Variants in GRM8 observed in about 807,000 individuals in gnomAD.
GRM8 encodes the protein metabotropic glutamate receptor 8.
In GRM8, 47 loss-of-function variants were observed where a neutral mutation model predicts 87.2. The ratio of observed to expected loss-of-function variants is 0.54; its 90% confidence interval spans 0.43 to 0.69. The LOEUF (loss-of-function observed/expected upper bound fraction) is 0.69, where lower values mean the gene tolerates loss of function less well. GRM8 is among the 30% of genes least tolerant of loss of function. GRM8 has a pLI of 0.00. For missense variants in GRM8, 1,019 were observed against 1,139.2 expected (o/e 0.89, Z 1.52); for synonymous variants, 396 against 404.5 (o/e 0.98, Z 0.25).
At chr7:126,954,689 T>C (rs1251765095) in intron 3 of GRM8, among the ~76,000 whole-genome samples, 1 of 152,184 alleles carries the variant, frequency 6.6e-6, no homozygotes, top group Non-Finnish European at 1.5e-5. Context: ...TCAACTGAGA[T>C]AATAATAACA....
chr7:127,070,007 C>G (rs1184584183), intron 3 of GRM8, among the ~76,000 whole-genome samples: 1 of 152,194 alleles, frequency 6.6e-6, no homozygotes, highest in African/African-American at 2.4e-5. Context: ...AGGTCACTAT[C>G]AAATTTGAAA....
At chr7:127,059,543 G>A (rs1034377511) in intron 3 of GRM8, among the ~76,000 whole-genome samples, 2 of 151,944 alleles carry the variant, frequency 1.3e-5, no homozygotes, top group African/African-American at 4.8e-5. Flanking sequence ...CACCCTATTG[G>A]TCAGGCTGGT....
At chr7:126,457,871 C>A (rs1803433480) in intron 9 of GRM8, among the ~76,000 whole-genome samples, 2 of 149,712 alleles carry the variant, frequency 1.3e-5, no homozygotes, top group South Asian at 2.1e-4. Context: ...TTTGGAAAGA[C>A]TGTAAAATTA....
intron 7 of GRM8, among the ~76,000 whole-genome samples, chr7:126,644,256 T>C (rs757910982): frequency 6.6e-6 from 1 of 152,238 alleles, no homozygotes; most frequent in South Asian, 2.1e-4. Context: ...AAATGCCTCA[T>C]GTCAACAGCG....
intron 8 of GRM8, among the ~76,000 whole-genome samples, chr7:126,601,010 C>T (rs2151073373): frequency 1.3e-5 from 2 of 151,714 alleles, no homozygotes; most frequent in East Asian, 1.9e-4. Context: ...ATACATGTGC[C>T]ATGCTGGTGC....
chr7:127,084,300 A>G (rs1412077567), intron 3 of GRM8: 1 of 152,240 alleles, frequency 6.6e-6, no homozygotes, highest in Non-Finnish European at 1.5e-5. Flanking sequence ...TTCCTTCAAG[A>G]TATTTGCAAA....
chr7:127,092,488 G>A (rs1192996292), intron 3 of GRM8, among the ~76,000 whole-genome samples: 1 of 152,204 alleles, frequency 6.6e-6, no homozygotes, highest in Admixed American at 6.5e-5. Context: ...TTGAGGCCAG[G>A]AGTTTGAGAT....
rs148301005 is a variant in GRM8 at position 127,197,977 on chromosome 7, T to C, written c.510+44718A>G. On this transcript the variant is annotated intron_variant, in intron 2 of 10. Coordinates refer to ENST00000339582, the MANE Select transcript of GRM8 (RefSeq NM_000845.3). ...TACTCTATGTCTTTTGCTTTCTAGA[T>C]GTGGAATCAAAAAAAAAAGGACCTT... Among the ~76,000 whole-genome samples the C allele has an allele frequency of 1.8e-3, 273 of 152,080 alleles. 1 individual carries two copies. The highest frequency in any genetic ancestry group is 6.1e-3 in the African/African-American group (254 of 41,524).
intron 6 of GRM8, among the ~76,000 whole-genome samples, chr7:126,782,373 T>G (rs1820169308): frequency 1.3e-5 from 2 of 152,204 alleles, no homozygotes; most frequent in South Asian, 2.1e-4. Context: ...CCTAATCACT[T>G]AATTCCATGA....
chr7:126,592,382 A>G (rs954184101), intron 8 of GRM8, among the ~76,000 whole-genome samples: 2 of 152,028 alleles, frequency 1.3e-5, no homozygotes, highest in South Asian at 2.1e-4. Context: ...AACATCTTCA[A>G]CAAAATATTG....
chr7:126,794,249 C>A (rs540394909), intron 6 of GRM8, among the ~76,000 whole-genome samples: 4 of 152,036 alleles, frequency 2.6e-5, no homozygotes, highest in Non-Finnish European at 5.9e-5. Context: ...AAAAAATCTG[C>A]CTATTAACCT....
In GRM8 at chr7:126,813,885, T is replaced by C. The variant is rs112759878; in HGVS notation, c.1157-43820A>G. Among the ~76,000 whole-genome samples the C allele has an allele frequency of 3.1e-3, 479 of 152,182 alleles. 3 individuals carry two copies. Among genetic ancestry groups the C allele is most frequent in the African/African-American group, 0.011 (464 of 41,520 alleles). On this transcript the variant is annotated intron_variant, in intron 6 of 10. Transcript: ENST00000339582. Reference sequence around the variant, plus strand: ...TTTATGGGAGCCATTGTAAAAGAAATTTGTAATGCATTGTCCCTTACTCAA... The same window carrying C: ...TTTATGGGAGCCATTGTAAAAGAAACTTGTAATGCATTGTCCCTTACTCAA...
chr7:126,948,118 C>T (rs1807744007), intron 3 of GRM8, among the ~76,000 whole-genome samples: 1 of 152,094 alleles, frequency 6.6e-6, no homozygotes, highest in Admixed American at 6.5e-5. Flanking sequence ...AAACCTGTTG[C>T]CCTCATGGAG....
intron 10 of GRM8, 103 bp downstream of exon 10, chr7:126,446,023 A>C: frequency 7.3e-7 from 1 of 1,373,280 alleles, no homozygotes; most frequent in East Asian, 2.3e-5. Flanking sequence ...ATGCCCCTGG[A>C]AACATGTAGC....
chr7:126,444,291 T>A (rs899391130), intron 10 of GRM8, among the ~76,000 whole-genome samples: 1 of 152,046 alleles, frequency 6.6e-6, no homozygotes, highest in African/African-American at 2.4e-5. Flanking sequence ...TTAATGGCAG[T>A]TACAGTATAC....
chr7:126,456,202 C>A (rs1038330449), intron 9 of GRM8, among the ~76,000 whole-genome samples: 1 of 151,212 alleles, frequency 6.6e-6, no homozygotes, highest in Non-Finnish European at 1.5e-5. Flanking sequence ...CAGAGGAGAA[C>A]CAAGGTAGCC....
At chr7:126,608,140 C>A (rs760158383) in intron 8 of GRM8, among the ~76,000 whole-genome samples, 11 of 151,632 alleles carry the variant, frequency 7.3e-5, no homozygotes, top group Non-Finnish European at 1.0e-4. Context: ...GCCCTCCCCA[C>A]CCCAGCATCC....
intron 8 of GRM8, among the ~76,000 whole-genome samples, chr7:126,607,562 A>G (rs1025163285): frequency 1.3e-5 from 2 of 152,216 alleles, no homozygotes; most frequent in Non-Finnish European, 2.9e-5. Flanking sequence ...TCTGAGAATC[A>G]AGAAGAGGAG....
intron 2 of GRM8, among the ~76,000 whole-genome samples, chr7:127,209,101 T>G (rs1796072255): frequency 6.6e-6 from 1 of 152,226 alleles, no homozygotes; most frequent in Non-Finnish European, 1.5e-5. Flanking sequence ...AGGGACTTAC[T>G]GTGTTTGTTT....
Sources: allele counts gnomAD v4.1 joint callset (sites outside exome capture counted in the v4.1 genomes callset), GRCh38; gene constraint gnomAD v4.1.1; transcripts MANE v1.5; gene names NCBI Gene and HGNC (gene_info 2026-07-23, HGNC 2026-07-21).